CACNA2D1: variants seen among roughly 807,000 people sequenced by gnomAD.
CACNA2D1 encodes voltage-dependent calcium channel subunit alpha-2/delta-1.
CACNA2D1 carries 53 observed loss-of-function variants against 171.5 expected under a neutral mutation model. The observed-to-expected ratio is 0.31, with a 90% CI of 0.25 to 0.39. CACNA2D1 has a LOEUF of 0.39. Among genes scored for constraint, CACNA2D1 ranks in the 10% least tolerant of loss-of-function variants. CACNA2D1 has a pLI of 1.00. For missense variants in CACNA2D1, 903 were observed against 1,299.8 expected (o/e 0.69, Z 4.69); for synonymous variants, 442 against 443.1 (o/e 1.00, Z 0.03).
At chr7:81,973,793 A>G (rs1053885054) in intron 25 of CACNA2D1, among the ~76,000 whole-genome samples, 1 of 152,030 alleles carries the variant, frequency 6.6e-6, no homozygotes, top group Non-Finnish European at 1.5e-5. Context: ...TAGATTTTTT[A>G]ATGATTTAAA....
intron 6 of CACNA2D1, among the ~76,000 whole-genome samples, chr7:82,093,386 T>G (rs1299595020): frequency 6.6e-6 from 1 of 152,168 alleles, no homozygotes; most frequent in Non-Finnish European, 1.5e-5. Flanking sequence ...TTAAAATATA[T>G]TTTTAATTTA....
intron 6 of CACNA2D1, among the ~76,000 whole-genome samples, chr7:82,108,955 C>A (rs564357918): frequency 6.8e-4 from 104 of 152,260 alleles, no homozygotes; most frequent in Middle Eastern, 3.4e-3. Context: ...CACTTTATTA[C>A]AATAGACAAT....
intron 3 of CACNA2D1, among the ~76,000 whole-genome samples, chr7:82,277,618 G>C (rs1020408827): frequency 6.6e-6 from 1 of 151,816 alleles, no homozygotes. Context: ...AGACCTAAAA[G>C]AAACCAGTCT....
At chr7:82,310,233 A>C (rs10255629) in intron 3 of CACNA2D1, among the ~76,000 whole-genome samples, 12,651 of 151,772 alleles carry the variant, frequency 0.083, 1,578 homozygotes, top group African/African-American at 0.27. Flanking sequence ...TTAATATTTA[A>C]ATTAATATAA....
chr7:82,041,348 T>C (rs1803943623), intron 10 of CACNA2D1, among the ~76,000 whole-genome samples: 1 of 151,950 alleles, frequency 6.6e-6, no homozygotes. Context: ...TTTAGGAAAA[T>C]GCACATCAAC....
chr7:82,074,337 C>T (rs1216910721), intron 7 of CACNA2D1, among the ~76,000 whole-genome samples: 1 of 152,142 alleles, frequency 6.6e-6, no homozygotes, highest in African/African-American at 2.4e-5. Flanking sequence ...AAGCAATTCT[C>T]CTGCCTCAGC....
intron 6 of CACNA2D1, among the ~76,000 whole-genome samples, chr7:82,085,748 G>A (rs1810398363): frequency 6.6e-6 from 1 of 151,836 alleles, no homozygotes; most frequent in Non-Finnish European, 1.5e-5. Flanking sequence ...TAAGGGCCAG[G>A]TGATTGATTT....
At chr7:82,285,330 T>C (rs771959735) in intron 3 of CACNA2D1, among the ~76,000 whole-genome samples, 5 of 152,122 alleles carry the variant, frequency 3.3e-5, no homozygotes, top group Non-Finnish European at 2.9e-5. Context: ...CCAAATCCTT[T>C]GAACCCCCTA....
At chr7:82,235,848 T>C (rs1803521001) in intron 3 of CACNA2D1, among the ~76,000 whole-genome samples, 1 of 151,996 alleles carries the variant, frequency 6.6e-6, no homozygotes, top group Admixed American at 6.6e-5. Context: ...CTGGATGTAG[T>C]CCTAAAATGT....
intron 3 of CACNA2D1, among the ~76,000 whole-genome samples, chr7:82,271,192 C>T (rs1020191602): frequency 6.6e-6 from 1 of 151,986 alleles, no homozygotes; most frequent in African/African-American, 2.4e-5. Flanking sequence ...ACAGCTACAG[C>T]AATAGAGTCT....
intron 1 of CACNA2D1, among the ~76,000 whole-genome samples, chr7:82,389,226 A>T (rs1451141213): frequency 6.7e-6 from 1 of 150,144 alleles, no homozygotes; most frequent in Non-Finnish European, 1.5e-5. Flanking sequence ...TAAACAAGAA[A>T]ACAAGGATGG....
chr7:82,129,858 A>G (rs1790750374), intron 5 of CACNA2D1, among the ~76,000 whole-genome samples: 1 of 152,162 alleles, frequency 6.6e-6, no homozygotes, highest in Non-Finnish European at 1.5e-5. Context: ...TCATATTTGT[A>G]ACTACAGAAG....
intron 6 of CACNA2D1, among the ~76,000 whole-genome samples, chr7:82,103,488 A>T (rs941627570): frequency 1.3e-5 from 2 of 152,154 alleles, no homozygotes; most frequent in Non-Finnish European, 2.9e-5. Context: ...ATAGAGTCCT[A>T]ATGGCTACTT....
At chr7:82,352,184 T>A (rs919746460) in intron 1 of CACNA2D1, among the ~76,000 whole-genome samples, 1 of 152,188 alleles carries the variant, frequency 6.6e-6, no homozygotes, top group Non-Finnish European at 1.5e-5. Context: ...GGAGCAAGGA[T>A]TATTTTTTAT....
At chr7:82,112,735 G>A (rs1788603766) in intron 6 of CACNA2D1, among the ~76,000 whole-genome samples, 1 of 152,172 alleles carries the variant, frequency 6.6e-6, no homozygotes, top group Admixed American at 6.5e-5. Flanking sequence ...ATTAGCAAGT[G>A]GTGGACCTTG....
At chr7:82,213,803 C>T (rs35645427) in intron 3 of CACNA2D1, among the ~76,000 whole-genome samples, 36,278 of 152,014 alleles carry the variant, frequency 0.24, 5,366 homozygotes, top group East Asian at 0.46. Flanking sequence ...AAATATCCTA[C>T]ACTGTTCTGT....
chr7:82,167,354 G>A (rs1447370300), intron 4 of CACNA2D1, among the ~76,000 whole-genome samples: 2 of 151,924 alleles, frequency 1.3e-5, no homozygotes, highest in East Asian at 1.9e-4. Flanking sequence ...TTTCAACCAC[G>A]AATTTGAACT....
Position 82,207,388 on chromosome 7 carries a change from A to G in CACNA2D1, c.295-36779T>C, listed in dbSNP as rs553783345. Among the ~76,000 whole-genome samples, 12 of 152,282 alleles carry G rather than the reference A, an allele frequency of 7.9e-5. No individual in the cohort carries two copies. The South Asian group carries it at 1.7e-3, about 21-fold the overall frequency. ...AATTGTTTGCAAACCTCCCAGAATC[A>G]TTGTATGGGACAAATGAGACATTCA... is the stretch of plus-strand genomic sequence containing the variant. On this transcript the variant is annotated intron_variant, in intron 3 of 38. Coordinates refer to ENST00000356860, the MANE Select transcript of CACNA2D1 (RefSeq NM_000722.4).
intron 3 of CACNA2D1, among the ~76,000 whole-genome samples, chr7:82,293,118 T>G (rs1811858718): frequency 6.6e-6 from 1 of 152,086 alleles, no homozygotes; most frequent in Non-Finnish European, 1.5e-5. Flanking sequence ...TCACTTCTAC[T>G]TAATGTTGCA....
Sources: gnomAD v4.1 joint callset for allele counts (sites outside exome capture counted in the v4.1 genomes callset) on GRCh38, gnomAD v4.1.1 for gene constraint, MANE v1.5 for transcripts, NCBI Gene and HGNC (gene_info 2026-07-23, HGNC 2026-07-21) for gene names.